The following KANSL3 variants were observed in gnomAD, a reference collection of about 807,000 sequenced individuals.
The protein encoded by KANSL3 is KAT8 regulatory NSL complex subunit 3.
A neutral mutation model predicts 89.2 loss-of-function variants in KANSL3; 16 were observed. The observed-to-expected ratio is 0.18, with a 90% CI of 0.12 to 0.27. The LOEUF is 0.27. KANSL3 is among the 10% of genes least tolerant of loss of function. The pLI, the probability that KANSL3 is intolerant of heterozygous loss-of-function variation, is 1.00. For missense variants in KANSL3, 879 were observed against 1,110.6 expected (o/e 0.79, Z 2.96); for synonymous variants, 385 against 419.7 (o/e 0.92, Z 1.01).
chr2:96,612,041 T>C (rs1396824494), intron 9 of KANSL3, among the ~76,000 whole-genome samples: 2 of 152,124 alleles, frequency 1.3e-5, no homozygotes, highest in South Asian at 2.1e-4. Context: ...AGTTGATCAC[T>C]GGTAAAGCTG....
chr2:96,635,022 G>A (rs552933161), intron 2 of KANSL3, among the ~76,000 whole-genome samples: 22 of 152,170 alleles, frequency 1.4e-4, no homozygotes, highest in African/African-American at 5.1e-4. Context: ...ACATCTCAAA[G>A]TCATCTATAT....
the KANSL3 span, among the ~76,000 whole-genome samples, chr2:96,587,442 G>A: frequency 6.6e-6 from 1 of 152,308 alleles, no homozygotes; most frequent in East Asian, 1.9e-4. Context: ...CCACCCAGCA[G>A]TAAAGACTCC....
the KANSL3 span, among the ~76,000 whole-genome samples, chr2:96,582,016 C>T: frequency 6.6e-6 from 1 of 152,264 alleles, no homozygotes. Flanking sequence ...TACATTAGAT[C>T]TTTTGATATT....
intron 3 of KANSL3, among the ~76,000 whole-genome samples, chr2:96,627,623 T>A (rs538727581): frequency 5.3e-5 from 8 of 152,246 alleles, no homozygotes; most frequent in African/African-American, 1.9e-4. Flanking sequence ...CAAAGAGCAA[T>A]CAGTAAACTC....
intron 17 of KANSL3, 162 bp downstream of exon 17, chr2:96,604,088 T>A (rs771086322): frequency 1.4e-6 from 1 of 693,574 alleles, no homozygotes; most frequent in Non-Finnish European, 2.2e-6. Context: ...GGAATCCCTC[T>A]GCCCAAGCTA....
At chr2:96,631,752 T>G (rs1449030234) in intron 2 of KANSL3, among the ~76,000 whole-genome samples, 1 of 151,976 alleles carries the variant, frequency 6.6e-6, no homozygotes, top group Non-Finnish European at 1.5e-5. Context: ...ATTTTTTTTT[T>G]AAGATAAATA....
chr2:96,631,255 T>C lies in KANSL3; in HGVS notation c.386+57A>G, dbSNP rs1483113664. ...AAGGTCCTAATAAGTGTTATTTCAATGAAGATGATACAAAATAATTACAGG... is the reference window on the plus strand; with the variant it reads ...AAGGTCCTAATAAGTGTTATTTCAACGAAGATGATACAAAATAATTACAGG... On this transcript the variant is annotated intron_variant, in intron 3 of 20. Coordinates refer to ENST00000431828, the MANE Select transcript of KANSL3 (RefSeq NM_001115016.3). 4 of 1,261,382 alleles carry C rather than the reference T, an allele frequency of 3.2e-6. No individual in the cohort carries two copies. In the South Asian group the frequency reaches 4.9e-5, roughly 15 times the overall value. 78.1% of individuals were successfully genotyped at this position (1,261,382 alleles called of 1,614,324 possible).
intron 20 of KANSL3, chr2:96,598,051 C>A: frequency 1.0e-6 from 1 of 975,714 alleles, no homozygotes; most frequent in South Asian, 4.7e-5. Context: ...AACTGGCTGG[C>A]CCAGGCCATG....
chr2:96,584,398 T>C, the KANSL3 span, among the ~76,000 whole-genome samples: 2 of 152,228 alleles, frequency 1.3e-5, no homozygotes, highest in Non-Finnish European at 2.9e-5. Context: ...ATACAATGTG[T>C]AATGATCAAA....
intron 16 of KANSL3, among the ~76,000 whole-genome samples, 196 bp downstream of exon 16, chr2:96,604,583 G>A (rs1389580076): frequency 6.6e-6 from 1 of 152,182 alleles, no homozygotes; most frequent in African/African-American, 2.4e-5. Flanking sequence ...GCAAAAGCCA[G>A]GGGACGATTT....
chr2:96,628,027 C>T (rs559989828), intron 3 of KANSL3: 6 of 1,290,372 alleles, frequency 4.6e-6, no homozygotes, highest in Non-Finnish European at 5.1e-6. Flanking sequence ...TAATGGATTA[C>T]ATCAATCTGT....
intron 3 of KANSL3, among the ~76,000 whole-genome samples, chr2:96,621,680 G>A (rs960863567): frequency 7.2e-5 from 11 of 151,812 alleles, no homozygotes; most frequent in African/African-American, 2.7e-4. Context: ...GTATAAACAA[G>A]GTCAAAACAC....
At chr2:96,592,020 T>G (rs2066284338), downstream of KANSL3, among the ~76,000 whole-genome samples, 1 of 152,204 alleles carries the variant, frequency 6.6e-6, no homozygotes, top group South Asian at 2.1e-4. Context: ...AAGACTTGTC[T>G]GCATCATTAT....
At chr2:96,609,629 C>T (rs1268529305) in intron 11 of KANSL3, 67 bp from the exon 12 acceptor site, 10 of 1,417,046 alleles carry the variant, frequency 7.1e-6, no homozygotes, top group Admixed American at 1.7e-5. Context: ...AAAATAAGAA[C>T]GTATTTCTTT....
chr2:96,608,855 T>C lies in KANSL3; in HGVS notation c.1584+9A>G. 6.4e-7 allele frequency: 1 copy of C among 1,564,104 alleles called. No individual in the cohort carries two copies. Among genetic ancestry groups the C allele is most frequent in the South Asian group, 1.2e-5 (1 of 84,384 alleles). On this transcript the variant is annotated intron_variant, in intron 13 of 20. Coordinates refer to ENST00000431828, the MANE Select transcript of KANSL3 (RefSeq NM_001115016.3). ...CCCAGCAAAAGCGCTCCCTCCCTGC[T>C]CACACTACCTCTGAGCCTGAGGGTG...
intron 3 of KANSL3, among the ~76,000 whole-genome samples, chr2:96,620,827 C>A (rs1054233872): frequency 3.3e-5 from 5 of 151,876 alleles, no homozygotes; most frequent in African/African-American, 9.7e-5. Context: ...AATGGCAAAA[C>A]CCCATCTCTA....
chr2:96,634,137 G>A (rs753501339), intron 2 of KANSL3: 3 of 152,172 alleles, frequency 2.0e-5, no homozygotes, highest in Admixed American at 2.0e-4. Context: ...AGATGACCTG[G>A]AATGCACATA....
chr2:96,593,439 T>C lies in KANSL3; in HGVS notation c.*2172A>G, dbSNP rs1232010905. The C allele has an allele frequency of 5.0e-6, 2 of 397,922 alleles. No individual in the cohort carries two copies. Among genetic ancestry groups the C allele is most frequent in the Admixed American group, 3.1e-5 (1 of 32,246 alleles). 24.6% of individuals were successfully genotyped at this position (397,922 alleles called of 1,614,324 possible). On this transcript the variant is annotated 3_prime_UTR_variant, in exon 21 of 21. Transcript: ENST00000431828. Reference sequence around the variant, plus strand: ...GAGGTTATGGATTCCAGGTCTTCTATGAAATAGGTAAAGCTTCCTTTCGCG... The same window carrying C: ...GAGGTTATGGATTCCAGGTCTTCTACGAAATAGGTAAAGCTTCCTTTCGCG...
intron 14 of KANSL3, chr2:96,607,107 AGGG>A: frequency 9.2e-7 from 1 of 1,090,506 alleles, no homozygotes; most frequent in Admixed American, 2.4e-5. Context: ...AGAAAAAGAG[AGGG>A]AATAAGAAAA....
Sources: allele counts gnomAD v4.1 joint callset (sites outside exome capture counted in the v4.1 genomes callset), GRCh38; gene constraint gnomAD v4.1.1; transcripts MANE v1.5; gene names NCBI Gene and HGNC (gene_info 2026-07-23, HGNC 2026-07-21).